WWOX: variants seen among roughly 807,000 people sequenced by gnomAD.
The protein encoded by WWOX is WW domain containing oxidoreductase, also known as WW domain-containing oxidoreductase.
WWOX carries 69 observed loss-of-function variants against 46.2 expected under a neutral mutation model. The observed-to-expected ratio is 1.49, with a 90% CI of 1.23 to 1.82. The LOEUF is 1.82. WWOX is among the 40% of genes most tolerant of loss of function. The pLI is 0.00. For missense variants in WWOX, 919 were observed against 542.6 expected, an observed-to-expected ratio of 1.69 and a Z score of -6.89; for synonymous variants, 359 against 202.6, an observed-to-expected ratio of 1.77 and a Z score of -6.56.
chr16:78,324,592 C>A (rs1032876464), intron 5 of WWOX, among the ~76,000 whole-genome samples: 1 of 151,960 alleles, frequency 6.6e-6, no homozygotes, highest in African/African-American at 2.4e-5. Context: ...ATGGAATATT[C>A]CATTTTATAT....
intron 5 of WWOX, among the ~76,000 whole-genome samples, chr16:78,306,343 T>TA (rs2080134859): frequency 6.6e-6 from 1 of 152,118 alleles, no homozygotes; most frequent in Non-Finnish European, 1.5e-5. Flanking sequence ...CATGGGTTGT[T>TA]ATGTGTTACT....
chr16:78,403,663 G>T lies in WWOX; in HGVS notation c.605+16715G>T, dbSNP rs539840960. 6.6e-5 allele frequency among the ~76,000 whole-genome samples: 10 copies of T among 152,276 alleles called. No individual in the cohort carries two copies. In the South Asian group the frequency reaches 1.5e-3, roughly 22 times the overall value. On this transcript the variant is annotated intron_variant, in intron 6 of 8. Transcript: ENST00000566780. Reference sequence around the variant, plus strand: ...TTGACAAATACCAGTCATCCCCCCTGTGCCAGGCCCTGGATGAGGCACTGC... The same window carrying T: ...TTGACAAATACCAGTCATCCCCCCTTTGCCAGGCCCTGGATGAGGCACTGC...
At chr16:78,962,476 A>G (rs897222669) in intron 8 of WWOX, among the ~76,000 whole-genome samples, 1 of 152,110 alleles carries the variant, frequency 6.6e-6, no homozygotes, top group Non-Finnish European at 1.5e-5. Flanking sequence ...TCATTTTCTA[A>G]GAAAGTGAGA....
intron 8 of WWOX, among the ~76,000 whole-genome samples, chr16:78,812,750 T>C (rs1306621445): frequency 3.3e-5 from 5 of 151,634 alleles, no homozygotes; most frequent in Non-Finnish European, 5.9e-5. Context: ...AAAAAATCTA[T>C]CCAAAGGCCT....
intron 6 of WWOX, among the ~76,000 whole-genome samples, chr16:78,388,840 A>G (rs1212839910): frequency 2.0e-5 from 3 of 151,604 alleles, no homozygotes; most frequent in East Asian, 2.0e-4. Context: ...GGGGAGGCAC[A>G]TGCCTGTAAT....
At chr16:78,832,385 T>C (rs1355121422) in intron 8 of WWOX, among the ~76,000 whole-genome samples, 5 of 152,186 alleles carry the variant, frequency 3.3e-5, no homozygotes, top group African/African-American at 4.8e-5. Context: ...CATCATGCAC[T>C]GTCAAGCACC....
At chr16:78,231,893 T>C (rs1357356363) in intron 5 of WWOX, among the ~76,000 whole-genome samples, 1 of 45,596 alleles carries the variant, frequency 2.2e-5, no homozygotes, top group African/African-American at 2.5e-4. Context: ...TGAGGTCTAA[T>C]CTTGATTTTT....
intron 8 of WWOX, among the ~76,000 whole-genome samples, chr16:78,701,783 G>A (rs2048223303): frequency 6.6e-6 from 1 of 151,848 alleles, no homozygotes; most frequent in South Asian, 2.1e-4. Context: ...CTGAGATGCA[G>A]TCTGCTGAGC....
At chr16:78,699,406 G>C (rs982192175) in intron 8 of WWOX, among the ~76,000 whole-genome samples, 2 of 152,034 alleles carry the variant, frequency 1.3e-5, no homozygotes, top group African/African-American at 4.8e-5. Context: ...AGGCGTGGTA[G>C]CTTGTGACTG....
At chr16:78,442,237 A>G (rs113126334) in intron 8 of WWOX, among the ~76,000 whole-genome samples, 7,582 of 152,208 alleles carry the variant, frequency 0.05, 282 homozygotes, top group Non-Finnish European at 0.075. Context: ...TAATTAACAC[A>G]TCGGTCAACT....
At chr16:78,981,224 GC>G (rs2046674989) in intron 8 of WWOX, among the ~76,000 whole-genome samples, 1 of 151,994 alleles carries the variant, frequency 6.6e-6, no homozygotes, top group East Asian at 1.9e-4. Flanking sequence ...AAATGGCTTT[GC>G]CCACATCTCC....
At chr16:79,148,380 T>C (rs1329412268) in intron 8 of WWOX, among the ~76,000 whole-genome samples, 1 of 152,156 alleles carries the variant, frequency 6.6e-6, no homozygotes, top group Non-Finnish European at 1.5e-5. Context: ...ATTGAGCATG[T>C]TTGTGTGGGT....
intron 8 of WWOX, among the ~76,000 whole-genome samples, chr16:78,853,719 G>A (rs1469966292): frequency 6.6e-6 from 1 of 152,024 alleles, no homozygotes; most frequent in East Asian, 1.9e-4. Context: ...GGGGTGTAGT[G>A]GGCTTCCTGT....
At chr16:79,197,537 GA>G (rs2051264925) in intron 8 of WWOX, among the ~76,000 whole-genome samples, 1 of 151,782 alleles carries the variant, frequency 6.6e-6, no homozygotes, top group Non-Finnish European at 1.5e-5. Flanking sequence ...GCTTTTTGTA[GA>G]CATGTCCTTT....
chr16:78,865,273 A>G (rs1204836235), intron 8 of WWOX, among the ~76,000 whole-genome samples: 1 of 151,430 alleles, frequency 6.6e-6, no homozygotes, highest in African/African-American at 2.4e-5. Context: ...TCCCTTCTTC[A>G]CTTTCTCTGT....
chr16:79,208,861 G>T (rs575203821), intron 8 of WWOX, among the ~76,000 whole-genome samples: 39 of 152,286 alleles, frequency 2.6e-4, no homozygotes, highest in Admixed American at 2.4e-3. Flanking sequence ...AGAGACCAAA[G>T]GTGTGGTGTG....
chr16:78,518,333 G>C (rs1016593357), intron 8 of WWOX, among the ~76,000 whole-genome samples: 20 of 152,280 alleles, frequency 1.3e-4, no homozygotes, highest in African/African-American at 4.8e-4. Flanking sequence ...CTGGGATCAA[G>C]TGATTCTCCT....
intron 4 of WWOX, among the ~76,000 whole-genome samples, chr16:78,142,943 A>G (rs372912602): frequency 3.3e-5 from 5 of 152,370 alleles, no homozygotes; most frequent in African/African-American, 1.2e-4. Context: ...TGGAAACAGA[A>G]TCAACATATT....
chr16:78,348,258 T>G lies in WWOX; in HGVS notation c.517-38602T>G, dbSNP rs1046527361. Reference sequence around the variant, plus strand: ...GTACTGTGACTGTAATAAAGAGGGTTGTAAGTAGAGAAGCTGGAATTTGAA... The same window carrying G: ...GTACTGTGACTGTAATAAAGAGGGTGGTAAGTAGAGAAGCTGGAATTTGAA... On this transcript the variant is annotated intron_variant, in intron 5 of 8. Coordinates refer to ENST00000566780, the MANE Select transcript of WWOX (RefSeq NM_016373.4). Among the ~76,000 whole-genome samples, 63 of 120,904 alleles carry G rather than the reference T, an allele frequency of 5.2e-4. 14 individuals carry two copies. The highest frequency in any genetic ancestry group is 1.5e-3 in the African/African-American group (55 of 35,660). The allele number at this position is 120,904 out of a possible 152,430, so 79.3% of individuals were successfully genotyped here.
Sources: allele counts gnomAD v4.1 joint callset (sites outside exome capture counted in the v4.1 genomes callset), GRCh38; gene constraint gnomAD v4.1.1; transcripts MANE v1.5; gene names NCBI Gene and HGNC (gene_info 2026-07-23, HGNC 2026-07-21).